The following OSBPL1A variants were observed in gnomAD, a reference collection of about 807,000 sequenced individuals.
The protein encoded by OSBPL1A is oxysterol binding protein like 1A, also known as oxysterol-binding protein-related protein 1.
A neutral mutation model predicts 137.1 loss-of-function variants in OSBPL1A; 80 were observed. The observed-to-expected ratio is 0.58, with a 90% confidence interval of 0.49 to 0.70. The LOEUF (loss-of-function observed/expected upper bound fraction) is 0.70, where lower values mean the gene tolerates loss of function less well. Among genes scored for constraint, OSBPL1A ranks in the 30% least tolerant of loss-of-function variants. The pLI, the probability that OSBPL1A is intolerant of heterozygous loss-of-function variation, is 0.00. For missense variants in OSBPL1A, 970 were observed against 1,129.4 expected (o/e 0.86, Z 2.02); for synonymous variants, 365 against 389.7 (o/e 0.94, Z 0.75).
At chr18:24,217,360 C>T (rs191252116) in intron 17 of OSBPL1A, among the ~76,000 whole-genome samples, 4 of 150,452 alleles carry the variant, frequency 2.7e-5, no homozygotes, top group African/African-American at 9.8e-5. Flanking sequence ...CGAGTTTAAG[C>T]GATTCTCCTG....
chr18:24,263,058 T>C (rs1315773427), intron 15 of OSBPL1A, among the ~76,000 whole-genome samples: 1 of 152,222 alleles, frequency 6.6e-6, no homozygotes, highest in Non-Finnish European at 1.5e-5. Context: ...TGAAAATAGC[T>C]TTCTGTATAT....
chr18:24,314,395 G>A (rs1220666545), intron 11 of OSBPL1A, 48 bp from the exon 12 acceptor site: 2 of 1,303,120 alleles, frequency 1.5e-6, no homozygotes, highest in Non-Finnish European at 2.2e-6. Flanking sequence ...ACATAAAAGA[G>A]GACCCTAAAA....
At chr18:24,281,397 T>C (rs2089954597) in intron 14 of OSBPL1A, among the ~76,000 whole-genome samples, 1 of 146,076 alleles carries the variant, frequency 6.8e-6, no homozygotes, top group Non-Finnish European at 1.5e-5. Flanking sequence ...TTTTTTTATT[T>C]TTTATTTTGA....
intron 15 of OSBPL1A, among the ~76,000 whole-genome samples, chr18:24,264,122 T>C (rs1392307466): frequency 3.3e-5 from 5 of 152,158 alleles, no homozygotes; most frequent in African/African-American, 9.7e-5. Context: ...CCAATAGGGA[T>C]TGACGCAGGA....
At chr18:24,322,195 T>C (rs35483306) in intron 7 of OSBPL1A, among the ~76,000 whole-genome samples, 20,070 of 150,262 alleles carry the variant, frequency 0.13, 1,414 homozygotes, top group Middle Eastern at 0.16. Flanking sequence ...CTGCAAGCTC[T>C]GCCTCCCGGG....
chr18:24,308,204 C>G (rs1476900174), intron 13 of OSBPL1A, among the ~76,000 whole-genome samples: 1 of 151,148 alleles, frequency 6.6e-6, no homozygotes, highest in Admixed American at 6.6e-5. Context: ...CAACCTCCAC[C>G]TCCTGGGCTC....
chr18:24,283,281 A>AAAAAATATAT (rs1246058393), intron 14 of OSBPL1A, among the ~76,000 whole-genome samples: 8 of 78,356 alleles, frequency 1.0e-4, no homozygotes, highest in African/African-American at 3.2e-4. Flanking sequence ...AAAAAAAAAA[A>AAAAAATATAT]ATATATATAT....
chr18:24,335,973 T>G (rs2091168027), intron 5 of OSBPL1A, among the ~76,000 whole-genome samples: 2 of 152,232 alleles, frequency 1.3e-5, no homozygotes, highest in Admixed American at 1.3e-4. Context: ...TGTCCATGGC[T>G]TCTGCTGCTG....
At chr18:24,332,574 A>AACC (rs1211636598) in intron 7 of OSBPL1A, among the ~76,000 whole-genome samples, 29 of 51,836 alleles carry the variant, frequency 5.6e-4, no homozygotes, top group Non-Finnish European at 1.0e-4. Context: ...AGAAACAGCA[A>AACC]AAAAAAAAAA....
intron 4 of OSBPL1A, among the ~76,000 whole-genome samples, chr18:24,348,363 T>G (rs1435175346): frequency 6.6e-6 from 1 of 152,240 alleles, no homozygotes; most frequent in Non-Finnish European, 1.5e-5. Flanking sequence ...TTACTTTTAT[T>G]AAACTCATTT....
intron 15 of OSBPL1A, among the ~76,000 whole-genome samples, chr18:24,277,677 T>TA (rs1639403326): frequency 6.6e-6 from 1 of 152,216 alleles, no homozygotes; most frequent in Admixed American, 6.5e-5. Context: ...TAATGCCAGA[T>TA]AAAAAAGGTA....
chr18:24,189,915 G>C (rs771728618), intron 18 of OSBPL1A, among the ~76,000 whole-genome samples: 1 of 152,254 alleles, frequency 6.6e-6, no homozygotes, highest in African/African-American at 2.4e-5. Flanking sequence ...AAGGCGCCAC[G>C]GAGTGGGAAA....
At chr18:24,397,400 A>G (rs2144302443) in intron 1 of OSBPL1A, among the ~76,000 whole-genome samples, 1 of 152,338 alleles carries the variant, frequency 6.6e-6, no homozygotes, top group Admixed American at 6.5e-5. Flanking sequence ...GGGAAGTGCA[A>G]CAAACGCCAA....
In OSBPL1A at chr18:24,239,140, G is replaced by C. The variant is rs896443304; in HGVS notation, c.1444+80C>G. 4 of 1,523,160 alleles carry C rather than the reference G, an allele frequency of 2.6e-6. No individual in the cohort carries two copies. In the African/African-American group the frequency reaches 5.6e-5, roughly 21 times the overall value. 94.4% of individuals were successfully genotyped at this position (1,523,160 alleles called of 1,614,324 possible). A position where few individuals can be genotyped will look rare whatever the true frequency, so the allele number is the denominator to read the frequency against. ...TCTAGGTGACCTCTGCTCTAAGGTG[G>C]TGGACTCAAGGGGACATTGCTCATT... On this transcript the variant is annotated intron_variant, in intron 16 of 27. Coordinates refer to ENST00000319481, the MANE Select transcript of OSBPL1A (RefSeq NM_080597.4).
At chr18:24,168,529 T>C (rs1032261474) in intron 24 of OSBPL1A, among the ~76,000 whole-genome samples, 2 of 152,176 alleles carry the variant, frequency 1.3e-5, no homozygotes, top group African/African-American at 4.8e-5. Context: ...ATGCAGTCTT[T>C]ATGCAGCAAT....
chr18:24,224,255 G>C (rs2087991672), intron 17 of OSBPL1A, among the ~76,000 whole-genome samples: 1 of 151,910 alleles, frequency 6.6e-6, no homozygotes, highest in Non-Finnish European at 1.5e-5. Context: ...TCATAGTACA[G>C]AAATGGAATT....
rs1436576461 is a variant in OSBPL1A, at chr18:24,387,225, T to C, written c.-2-9690A>G. Among the ~76,000 whole-genome samples, 4 of 151,884 alleles carry C rather than the reference T, an allele frequency of 2.6e-5. No individual in the cohort carries two copies. The East Asian group carries it at 5.8e-4, about 22-fold the overall frequency. On this transcript the variant is annotated intron_variant, in intron 1 of 27. Coordinates refer to ENST00000319481, the MANE Select transcript of OSBPL1A (RefSeq NM_080597.4). ...ACACACCACCATGCCCAGCTAATTT[T>C]TGTATTTTTTTGTAGAGGCAGGGTT...
intron 14 of OSBPL1A, among the ~76,000 whole-genome samples, chr18:24,285,658 C>CT (rs1035526398): frequency 2.0e-5 from 3 of 151,926 alleles, no homozygotes; most frequent in Non-Finnish European, 2.9e-5. Context: ...ATGTATGTGG[C>CT]TTTTTTTAAT....
chr18:24,243,313 G>A (rs2088772527), intron 15 of OSBPL1A, among the ~76,000 whole-genome samples: 1 of 152,140 alleles, frequency 6.6e-6, no homozygotes, highest in Non-Finnish European at 1.5e-5. Flanking sequence ...TCTCAGCACT[G>A]TTATATTTGT....
Sources: allele counts gnomAD v4.1 joint callset (sites outside exome capture counted in the v4.1 genomes callset), GRCh38; gene constraint gnomAD v4.1.1; transcripts MANE v1.5; gene names NCBI Gene and HGNC (gene_info 2026-07-23, HGNC 2026-07-21).